The following GRID2 variants were observed in gnomAD, a reference collection of about 807,000 sequenced individuals.
GRID2 encodes the protein glutamate receptor ionotropic, delta-2.
In GRID2, 33 loss-of-function variants were observed where a neutral mutation model predicts 114.8. The observed-to-expected ratio is 0.29, with a 90% confidence interval of 0.22 to 0.38. The LOEUF (loss-of-function observed/expected upper bound fraction) is 0.38, where lower values mean the gene tolerates loss of function less well. Ranked by LOEUF, GRID2 falls within the 10% of genes least tolerant of loss-of-function variation. The pLI is 1.00. For missense variants in GRID2, 1,184 were observed against 1,257.7 expected, an observed-to-expected ratio of 0.94 and a Z score of 0.89; for synonymous variants, 505 against 449.9, an observed-to-expected ratio of 1.12 and a Z score of -1.55.
chr4:93,332,271 T>C (rs1028260281), intron 8 of GRID2, among the ~76,000 whole-genome samples: 6 of 125,400 alleles, frequency 4.8e-5, no homozygotes, highest in East Asian at 2.8e-4. Context: ...TGTGTGCGTG[T>C]GTGTGTGTGT....
chr4:93,225,033 G>A (rs1745327936), intron 7 of GRID2, among the ~76,000 whole-genome samples: 1 of 152,018 alleles, frequency 6.6e-6, no homozygotes, highest in South Asian at 2.1e-4. Flanking sequence ...TATGTCATTA[G>A]CATTAGAGAT....
chr4:93,139,026 C>A (rs569656645), intron 4 of GRID2, among the ~76,000 whole-genome samples: 1 of 152,218 alleles, frequency 6.6e-6, no homozygotes, highest in South Asian at 2.1e-4. Flanking sequence ...CCTATTTATC[C>A]TTCAAGACTC....
intron 2 of GRID2, among the ~76,000 whole-genome samples, chr4:93,060,186 A>G (rs1727650624): frequency 6.6e-6 from 1 of 152,154 alleles, no homozygotes; most frequent in Non-Finnish European, 1.5e-5. Flanking sequence ...CTCCCCAGTT[A>G]ATGAGGTTAG....
chr4:92,400,540 G>A (rs376857916), intron 1 of GRID2, among the ~76,000 whole-genome samples: 3 of 151,944 alleles, frequency 2.0e-5, no homozygotes, highest in South Asian at 2.1e-4. Flanking sequence ...CCCCTTAAGG[G>A]CTATTACAAA....
chr4:93,190,487 T>C (rs979797386), intron 4 of GRID2, among the ~76,000 whole-genome samples: 5 of 152,172 alleles, frequency 3.3e-5, no homozygotes, highest in African/African-American at 1.2e-4. Context: ...AATTATAGTT[T>C]GAATTTCAAA....
At chr4:93,423,434 G>A (rs1207538331) in intron 10 of GRID2, among the ~76,000 whole-genome samples, 2 of 125,656 alleles carry the variant, frequency 1.6e-5, no homozygotes, top group East Asian at 2.7e-4. Flanking sequence ...TGCAAGCTCC[G>A]CCTCCTAGGT....
chr4:93,377,216 A>G (rs571595717), intron 8 of GRID2, among the ~76,000 whole-genome samples: 119 of 152,278 alleles, frequency 7.8e-4, no homozygotes, highest in African/African-American at 2.6e-3. Context: ...TGAATATTTG[A>G]GTTTATAATT....
intron 14 of GRID2, among the ~76,000 whole-genome samples, chr4:93,764,461 T>C (rs1052111697): frequency 4.6e-5 from 7 of 152,246 alleles, no homozygotes; most frequent in South Asian, 2.1e-4. Flanking sequence ...GAAAGAACAA[T>C]AGTGATACAT....
intron 8 of GRID2, among the ~76,000 whole-genome samples, chr4:93,353,378 A>G (rs1434140225): frequency 6.6e-6 from 1 of 152,054 alleles, no homozygotes; most frequent in African/African-American, 2.4e-5. Context: ...ACAGAATCAG[A>G]AACAGCTAGA....
intron 8 of GRID2, among the ~76,000 whole-genome samples, chr4:93,328,171 A>G (rs1758049716): frequency 6.6e-6 from 1 of 152,110 alleles, no homozygotes; most frequent in South Asian, 2.1e-4. Context: ...AGCAATATGC[A>G]CTTTTAAAGA....
intron 3 of GRID2, among the ~76,000 whole-genome samples, chr4:93,109,816 T>C (rs2149350445): frequency 6.6e-6 from 1 of 152,270 alleles, no homozygotes; most frequent in East Asian, 1.9e-4. Context: ...GATATCTTCT[T>C]CTATAAACAA....
At chr4:92,721,866 C>G (rs1016681119) in intron 2 of GRID2, among the ~76,000 whole-genome samples, 1 of 152,096 alleles carries the variant, frequency 6.6e-6, no homozygotes, top group Non-Finnish European at 1.5e-5. Context: ...ACATTTAATG[C>G]CACAAGTCAT....
At chr4:93,173,251 A>G (rs1322749716) in intron 4 of GRID2, among the ~76,000 whole-genome samples, 1 of 152,208 alleles carries the variant, frequency 6.6e-6, no homozygotes, top group East Asian at 1.9e-4. Flanking sequence ...GTTTCTCAAT[A>G]TTAAAGTGGA....
chr4:93,124,922 A>G (rs769250046), intron 4 of GRID2, among the ~76,000 whole-genome samples: 13 of 152,288 alleles, frequency 8.5e-5, no homozygotes, highest in Non-Finnish European at 1.5e-4. Context: ...TTTCATGAAC[A>G]TAGAGGTCCT....
chr4:92,720,337 T>C (rs1735751501), intron 2 of GRID2, among the ~76,000 whole-genome samples: 1 of 152,080 alleles, frequency 6.6e-6, no homozygotes, highest in African/African-American at 2.4e-5. Flanking sequence ...AGTTTTCTTT[T>C]AAAATATGTG....
At chr4:92,994,279 T>C (rs546461597) in intron 2 of GRID2, among the ~76,000 whole-genome samples, 5 of 152,176 alleles carry the variant, frequency 3.3e-5, no homozygotes, top group Non-Finnish European at 7.3e-5. Flanking sequence ...AACTCAGTGA[T>C]CTTAATATTA....
At chr4:93,058,013 G>GTA (rs1291383496) in intron 2 of GRID2, among the ~76,000 whole-genome samples, 4 of 147,844 alleles carry the variant, frequency 2.7e-5, no homozygotes, top group African/African-American at 1.0e-4. Context: ...TTTTTTCATT[G>GTA]TATATGTTAT....
chr4:92,404,593 T>C (rs1277824204), intron 1 of GRID2, among the ~76,000 whole-genome samples: 2 of 152,166 alleles, frequency 1.3e-5, no homozygotes, highest in South Asian at 2.1e-4. Context: ...TGTATGTTCA[T>C]TGCAGCACTA....
chr4:92,327,213 A>G (rs1726643323), intron 1 of GRID2, among the ~76,000 whole-genome samples: 1 of 152,042 alleles, frequency 6.6e-6, no homozygotes, highest in Non-Finnish European at 1.5e-5. Flanking sequence ...TGAAATCACT[A>G]ATAGGCTCAG....
Sources: allele counts gnomAD v4.1 joint callset (sites outside exome capture counted in the v4.1 genomes callset), GRCh38; gene constraint gnomAD v4.1.1; transcripts MANE v1.5; gene names NCBI Gene and HGNC (gene_info 2026-07-23, HGNC 2026-07-21).